RBMS3: variants seen among roughly 807,000 people sequenced by gnomAD.
The protein encoded by RBMS3 is RNA-binding motif, single-stranded-interacting protein 3.
A neutral mutation model predicts 66.8 loss-of-function variants in RBMS3; 27 were observed. That is an observed-to-expected ratio of 0.40 (90% CI 0.30 to 0.56). RBMS3 has a LOEUF of 0.56. RBMS3 is among the 20% of genes least tolerant of loss of function. RBMS3 has a pLI of 0.40. For synonymous variants in RBMS3, 188 were observed against 183.0 expected, an observed-to-expected ratio of 1.03 and a Z score of -0.22; for missense variants, 513 against 549.5, an observed-to-expected ratio of 0.93 and a Z score of 0.66.
At chr3:29,901,259 G>A (rs916596854) in intron 10 of RBMS3, among the ~76,000 whole-genome samples, 2 of 151,732 alleles carry the variant, frequency 1.3e-5, no homozygotes, top group South Asian at 2.1e-4. Flanking sequence ...CTGAGCCAAC[G>A]GAGGAAAAGG....
Position 29,462,933 on chromosome 3 carries a change from A to G in RBMS3, c.249-25508A>G, listed in dbSNP as rs9869665. Among the ~76,000 whole-genome samples the G allele has an allele frequency of 9.4e-3, 1,437 of 152,364 alleles. 23 individuals are homozygous for G. The highest frequency in any genetic ancestry group is 0.029 in the African/African-American group (1,221 of 41,582). ...TTCAACAAGTTGGTATTAAATGTAT[A>G]TGACTAGTGTTTTGTTAAGTGTTAA... is the stretch of plus-strand genomic sequence containing the variant. On this transcript the variant is annotated intron_variant, in intron 2 of 14. Coordinates refer to ENST00000383767, the MANE Select transcript of RBMS3 (RefSeq NM_001003793.3).
At chr3:29,408,645 A>T (rs1200327083) in intron 1 of RBMS3, among the ~76,000 whole-genome samples, 1 of 152,108 alleles carries the variant, frequency 6.6e-6, no homozygotes, top group East Asian at 1.9e-4. Flanking sequence ...TTTTTTATAT[A>T]TATATTTTCT....
intron 10 of RBMS3, among the ~76,000 whole-genome samples, chr3:29,928,211 T>TATATATATACACACAC (rs1291440563): frequency 5.3e-5 from 5 of 93,508 alleles, no homozygotes; most frequent in African/African-American, 2.1e-4. Flanking sequence ...TATATATATA[T>TATATATATACACACAC]ACACACACAC....
At chr3:29,980,344 A>G (rs1303435452) in intron 12 of RBMS3, among the ~76,000 whole-genome samples, 1 of 152,172 alleles carries the variant, frequency 6.6e-6, no homozygotes, top group Non-Finnish European at 1.5e-5. Flanking sequence ...CCTTTGTCAG[A>G]TGGATAGACT....
intron 4 of RBMS3, among the ~76,000 whole-genome samples, chr3:29,609,125 C>G (rs2048407052): frequency 6.6e-6 from 1 of 151,682 alleles, no homozygotes. Flanking sequence ...TAAAGGAAAA[C>G]AAAGATATAG....
intron 1 of RBMS3, among the ~76,000 whole-genome samples, chr3:29,377,736 G>C (rs1182825965): frequency 3.9e-5 from 6 of 152,160 alleles, no homozygotes; most frequent in African/African-American, 1.4e-4. Flanking sequence ...CCATGCTCCT[G>C]TATCAGAGAA....
chr3:29,289,212 G>C (rs2217936), intron 1 of RBMS3, among the ~76,000 whole-genome samples: 5,754 of 151,894 alleles, frequency 0.038, 387 homozygotes, highest in African/African-American at 0.13. Flanking sequence ...TATTATAGTG[G>C]CCTCTGCTAT....
At chr3:29,993,655 TGCTAGA>T (rs1197706662) in intron 14 of RBMS3, among the ~76,000 whole-genome samples, 2 of 152,224 alleles carry the variant, frequency 1.3e-5, no homozygotes, top group Admixed American at 6.5e-5. Flanking sequence ...GTTACTTGAC[TGCTAGA>T]GCTAGGACAT....
chr3:29,447,215 C>A (rs1206730601), intron 2 of RBMS3, among the ~76,000 whole-genome samples: 1 of 151,992 alleles, frequency 6.6e-6, no homozygotes, highest in Non-Finnish European at 1.5e-5. Flanking sequence ...ACCCAGCCAG[C>A]AGTCTTTTAA....
At chr3:29,473,827 G>A (rs1347327432) in intron 2 of RBMS3, among the ~76,000 whole-genome samples, 2 of 152,242 alleles carry the variant, frequency 1.3e-5, no homozygotes, top group Non-Finnish European at 2.9e-5. Context: ...CGCCCACCTG[G>A]AAGTCCAGCT....
Position 30,004,061 on chromosome 3 carries a change from C to A in RBMS3, c.*199C>A. 1 of 384,100 alleles carries A rather than the reference C, an allele frequency of 2.6e-6. No individual in the cohort carries two copies. Among genetic ancestry groups the A allele is most frequent in the Non-Finnish European group, 4.6e-6 (1 of 219,072 alleles). 23.8% of individuals were successfully genotyped at this position (384,100 alleles called of 1,614,324 possible). A position where few individuals can be genotyped will look rare whatever the true frequency, so the allele number is the denominator to read the frequency against. ...TGCAAATGGTCTTCATGTGGTCTGA[C>A]AATTTATTTTTGCCATCATTTTTTT... On this transcript the variant is annotated 3_prime_UTR_variant, in exon 15 of 15. Transcript: ENST00000383767.
chr3:29,361,741 T>G (rs548655190), intron 1 of RBMS3, among the ~76,000 whole-genome samples: 1 of 152,332 alleles, frequency 6.6e-6, no homozygotes, highest in African/African-American at 2.4e-5. Flanking sequence ...GAGGCTTTGC[T>G]TATTTCTTTT....
At chr3:29,476,331 C>T (rs2042946083) in intron 2 of RBMS3, among the ~76,000 whole-genome samples, 1 of 152,214 alleles carries the variant, frequency 6.6e-6, no homozygotes, top group South Asian at 2.1e-4. Flanking sequence ...GAAGACTTTA[C>T]ATACTCTTTT....
At chr3:29,456,046 T>C (rs1358710078) in intron 2 of RBMS3, among the ~76,000 whole-genome samples, 1 of 152,142 alleles carries the variant, frequency 6.6e-6, no homozygotes, top group East Asian at 1.9e-4. Context: ...GTAGGCAAAT[T>C]TGCAAATACA....
At chr3:29,690,351 G>C (rs191357188) in intron 4 of RBMS3, among the ~76,000 whole-genome samples, 30 of 152,264 alleles carry the variant, frequency 2.0e-4, no homozygotes, top group Middle Eastern at 3.4e-3. Flanking sequence ...TTGGGAAGTT[G>C]AAGAAGGAGG....
chr3:29,560,013 CA>C (rs2046494086), intron 3 of RBMS3, among the ~76,000 whole-genome samples: 1 of 152,162 alleles, frequency 6.6e-6, no homozygotes, highest in South Asian at 2.1e-4. Flanking sequence ...TCACTTATCT[CA>C]GCCTTCAAAA....
At chr3:29,682,418 G>A (rs1259596934) in intron 4 of RBMS3, among the ~76,000 whole-genome samples, 1 of 152,238 alleles carries the variant, frequency 6.6e-6, no homozygotes, top group Non-Finnish European at 1.5e-5. Flanking sequence ...CTCCCAAAGT[G>A]CGGGGATGAC....
At chr3:29,796,582 A>C (rs1290942929) in intron 6 of RBMS3, among the ~76,000 whole-genome samples, 2 of 152,180 alleles carry the variant, frequency 1.3e-5, no homozygotes, top group Non-Finnish European at 2.9e-5. Flanking sequence ...ATTACTCTTG[A>C]TCCATGGGCT....
chr3:29,839,522 A>G (rs1159088453), intron 6 of RBMS3, among the ~76,000 whole-genome samples: 1 of 152,056 alleles, frequency 6.6e-6, no homozygotes, highest in Non-Finnish European at 1.5e-5. Context: ...TAAAATTATT[A>G]ATGAGGAAGC....
Sources: gnomAD v4.1 joint callset for allele counts (sites outside exome capture counted in the v4.1 genomes callset) on GRCh38, gnomAD v4.1.1 for gene constraint, MANE v1.5 for transcripts, NCBI Gene and HGNC (gene_info 2026-07-23, HGNC 2026-07-21) for gene names.